COL4A5: variants seen among roughly 807,000 people sequenced by gnomAD.
COL4A5 encodes the protein collagen type IV alpha 5 chain, also known as collagen alpha-5(IV) chain.
A neutral mutation model predicts 130.2 loss-of-function variants in COL4A5; 26 were observed. The observed-to-expected ratio is 0.20, with a 90% CI of 0.15 to 0.28. The LOEUF (loss-of-function observed/expected upper bound fraction) is 0.28. COL4A5 is among the 10% of genes least tolerant of loss of function. The pLI is 1.00. For missense variants in COL4A5, 1,131 were observed against 1,344.3 expected (o/e 0.84, Z 2.48); for synonymous variants, 496 against 439.6 (o/e 1.13, Z -1.60).
chrX:108,464,103 CAATA>C (rs1321421852), intron 1 of COL4A5, among the ~76,000 whole-genome samples: 1 of 111,234 alleles, frequency 9.0e-6, no homozygotes, highest in Non-Finnish European at 1.9e-5. Flanking sequence ...AGTAAGTGTT[CAATA>C]AATAATTTTC....
At chrX:108,660,390 G>A (rs1056366900) in intron 37 of COL4A5, among the ~76,000 whole-genome samples, 1 of 111,262 alleles carries the variant, frequency 9.0e-6, no homozygotes, top group East Asian at 2.8e-4. Flanking sequence ...AAAGCCTGAC[G>A]TTCTTCCACC....
intron 30 of COL4A5, among the ~76,000 whole-genome samples, chrX:108,615,356 G>A (rs1330330768): frequency 9.0e-6 from 1 of 111,517 alleles, no homozygotes; most frequent in South Asian, 3.7e-4. Flanking sequence ...TCTGAGTAGC[G>A]GTACAGCATT....
chrX:108,453,364 A>T (rs2064548610), intron 1 of COL4A5, among the ~76,000 whole-genome samples: 1 of 112,056 alleles, frequency 8.9e-6, no homozygotes, highest in African/African-American at 3.2e-5. Context: ...ATGCAGAAGC[A>T]GATAGGAGGA....
At chrX:108,474,866 A>G (rs1363707126) in intron 1 of COL4A5, among the ~76,000 whole-genome samples, 1 of 111,302 alleles carries the variant, frequency 9.0e-6, no homozygotes, top group African/African-American at 3.3e-5. Flanking sequence ...CCTTTCTCCA[A>G]TTTGTGTTTT....
chrX:108,537,691 A>C (rs1034880245), intron 1 of COL4A5, among the ~76,000 whole-genome samples: 1 of 112,193 alleles, frequency 8.9e-6, no homozygotes, highest in Non-Finnish European at 1.9e-5. Flanking sequence ...TCTACTCGCA[A>C]CAACAAAAAC....
intron 36 of COL4A5, among the ~76,000 whole-genome samples, chrX:108,651,604 A>AT (rs896859202): frequency 9.0e-6 from 1 of 111,505 alleles, no homozygotes; most frequent in African/African-American, 3.3e-5. Flanking sequence ...TATGAATCAT[A>AT]TTTTTTCTTT....
intron 1 of COL4A5, among the ~76,000 whole-genome samples, chrX:108,443,613 G>C (rs2064423504): frequency 9.0e-6 from 1 of 111,413 alleles, no homozygotes; most frequent in Admixed American, 9.5e-5. Context: ...ATATGTATCT[G>C]TCCCATGGCA....
chrX:108,493,696 A>G (rs2065011026), intron 1 of COL4A5, among the ~76,000 whole-genome samples: 1 of 109,925 alleles, frequency 9.1e-6, no homozygotes, highest in Non-Finnish European at 1.9e-5. Flanking sequence ...TAATTCTTGG[A>G]TCTACATAGC....
At chrX:108,589,946 A>T (rs184232321) in intron 19 of COL4A5, among the ~76,000 whole-genome samples, 3 of 111,626 alleles carry the variant, frequency 2.7e-5, no homozygotes, top group Admixed American at 1.9e-4. Context: ...TAAGAGAAAA[A>T]AATAACCCCA....
intron 48 of COL4A5, among the ~76,000 whole-genome samples, chrX:108,686,345 A>G (rs902266730): frequency 2.7e-5 from 3 of 112,336 alleles, no homozygotes; most frequent in African/African-American, 9.7e-5. Context: ...TGTTTAGAGC[A>G]GTGGAAAACT....
At chrX:108,556,584 A>C (rs1603275402) in intron 2 of COL4A5, among the ~76,000 whole-genome samples, 1 of 111,331 alleles carries the variant, frequency 9.0e-6, no homozygotes, top group African/African-American at 3.3e-5. Context: ...GGTTTTTTTT[A>C]AGTTTGACCT....
At chrX:108,613,437 G>A (rs1288895804) in intron 29 of COL4A5, among the ~76,000 whole-genome samples, 5 of 111,837 alleles carry the variant, frequency 4.5e-5, no homozygotes, top group African/African-American at 1.6e-4. Context: ...GCAAAAACTT[G>A]TTAGAATACC....
At chrX:108,575,322 A>T (rs2147763177) in intron 9 of COL4A5, among the ~76,000 whole-genome samples, 1 of 111,924 alleles carries the variant, frequency 8.9e-6, no homozygotes, top group Non-Finnish European at 1.9e-5. Flanking sequence ...TGGTAGCATA[A>T]AAGCCCTAAC....
At chrX:108,664,478 CATAG>C (rs2068034401) in intron 37 of COL4A5, among the ~76,000 whole-genome samples, 1 of 111,447 alleles carries the variant, frequency 9.0e-6, no homozygotes, top group African/African-American at 3.3e-5. Context: ...TAGAGGAAAA[CATAG>C]ATAGATATTT....
At chrX:108,446,890 A>G (rs16985491) in intron 1 of COL4A5, among the ~76,000 whole-genome samples, 11,646 of 111,587 alleles carry the variant, frequency 0.1, 1,304 homozygotes, top group African/African-American at 0.34. Flanking sequence ...AGTCTTTACC[A>G]TAACTGCCTA....
At chrX:108,468,516 T>A (rs1314358169) in intron 1 of COL4A5, among the ~76,000 whole-genome samples, 14 of 108,418 alleles carry the variant, frequency 1.3e-4, no homozygotes, top group African/African-American at 3.8e-4. Flanking sequence ...TTTTTTTTTT[T>A]ATCATGCTGA....
intron 1 of COL4A5, among the ~76,000 whole-genome samples, chrX:108,455,015 G>A (rs751813886): frequency 4.5e-5 from 5 of 111,734 alleles, no homozygotes; most frequent in South Asian, 7.5e-4. Context: ...ATACACCTGC[G>A]AAACCATCAC....
intron 36 of COL4A5, among the ~76,000 whole-genome samples, chrX:108,642,638 T>A (rs192967225): frequency 8.6e-4 from 94 of 109,070 alleles, no homozygotes; most frequent in African/African-American, 3.0e-3. Flanking sequence ...AGAGAGACAA[T>A]AATCACTGCA....
At chrX:108,666,015 G>T (rs773489193) in intron 38 of COL4A5, among the ~76,000 whole-genome samples, 1 of 108,699 alleles carries the variant, frequency 9.2e-6, no homozygotes, top group Admixed American at 9.7e-5. Context: ...TCGTGCCACT[G>T]CACTCCAGCC....
Sources: allele counts gnomAD v4.1 joint callset (sites outside exome capture counted in the v4.1 genomes callset), GRCh38; gene constraint gnomAD v4.1.1; transcripts MANE v1.5; gene names NCBI Gene and HGNC (gene_info 2026-07-23, HGNC 2026-07-21).